TMPRSS11F: variants seen among roughly 807,000 people sequenced by gnomAD.
TMPRSS11F encodes transmembrane protease serine 11F.
A neutral mutation model predicts 60.2 loss-of-function variants in TMPRSS11F; 47 were observed. That is an observed-to-expected ratio of 0.78 (90% CI 0.62 to 1.00). The LOEUF is 1.00. Ranked by LOEUF, TMPRSS11F falls within the 50% of genes least tolerant of loss-of-function variation. TMPRSS11F has a pLI of 0.00. For synonymous variants in TMPRSS11F, 166 were observed against 167.3 expected (o/e 0.99, Z 0.06); for missense variants, 519 against 522.9 (o/e 0.99, Z 0.07).
intron 1 of TMPRSS11F, among the ~76,000 whole-genome samples, chr4:68,101,493 C>CT (rs1288570508): frequency 7.9e-5 from 12 of 152,122 alleles, no homozygotes; most frequent in South Asian, 2.1e-4. Context: ...ATGCAAGAAA[C>CT]TTTGAGATTT....
At chr4:68,114,523 C>CAGAT (rs1397574780) in intron 1 of TMPRSS11F, among the ~76,000 whole-genome samples, 3 of 151,988 alleles carry the variant, frequency 2.0e-5, no homozygotes, top group East Asian at 1.9e-4. Context: ...CAGGAAGACA[C>CAGAT]AGATGTCTGA....
chr4:68,062,829 G>A lies in TMPRSS11F; in HGVS notation c.1015+1856C>T, dbSNP rs375324708. On this transcript the variant is annotated intron_variant, in intron 8 of 9. Transcript: ENST00000356291. ...GACATCTCTTGATCCGTGGATTTCC[G>A]TAGAGTTAACTTAACATATGTATTG... is the stretch of plus-strand genomic sequence containing the variant. The A allele has an allele frequency of 2.0e-4, 152 of 764,824 alleles. No homozygotes were observed. The African/African-American group carries it at 2.4e-3, about 12-fold the overall frequency. 47.4% of individuals were successfully genotyped at this position (764,824 alleles called of 1,614,324 possible). A position where few individuals can be genotyped will look rare whatever the true frequency, so the allele number is the denominator to read the frequency against.
At chr4:68,062,593 CTCTT>C (rs1194565580) in intron 8 of TMPRSS11F, 1 of 859,382 alleles carries the variant, frequency 1.2e-6, no homozygotes, top group Non-Finnish European at 2.0e-6. Context: ...GTCCTTTTGA[CTCTT>C]TCATTTCAGT....
intron 1 of TMPRSS11F, among the ~76,000 whole-genome samples, chr4:68,116,270 G>A (rs1395283139): frequency 6.6e-6 from 1 of 151,950 alleles, no homozygotes; most frequent in Non-Finnish European, 1.5e-5. Context: ...TTCATACATT[G>A]GTGTTGGGAA....
Position 68,072,319 on chromosome 4 carries a change from T to A in TMPRSS11F, c.514+4A>T. On this transcript the variant is annotated splice_donor_region_variant and intron_variant, in intron 5 of 9. Coordinates refer to ENST00000356291, the MANE Select transcript of TMPRSS11F (RefSeq NM_207407.2). ...AAAGTGGCAAATAAAAATAAAAGAC[T>A]TACGTGTGAGTCTAAATGATGGTTT... is the stretch of plus-strand genomic sequence containing the variant. 6.5e-7 allele frequency: 1 copy of A among 1,531,996 alleles called. No individual in the cohort carries two copies. Among genetic ancestry groups the A allele is most frequent in the Non-Finnish European group, 8.8e-7 (1 of 1,136,662 alleles). The allele number at this position is 1,531,996 out of a possible 1,614,324, so 94.9% of individuals were successfully genotyped here. A position where few individuals can be genotyped will look rare whatever the true frequency, so the allele number is the denominator to read the frequency against.
intron 1 of TMPRSS11F, among the ~76,000 whole-genome samples, chr4:68,117,360 G>A (rs977015226): frequency 6.6e-5 from 10 of 150,756 alleles, no homozygotes; most frequent in African/African-American, 2.0e-4. Flanking sequence ...CCAGCTGCTC[G>A]GGGGGCTGAG....
At chr4:68,100,115 CATT>C (rs1724159968) in intron 1 of TMPRSS11F, among the ~76,000 whole-genome samples, 2 of 150,498 alleles carry the variant, frequency 1.3e-5, no homozygotes, top group Admixed American at 6.6e-5. Context: ...AAACAGGATT[CATT>C]ACTAATAGGG....
chr4:68,127,884 A>C (rs1724744072), intron 1 of TMPRSS11F, among the ~76,000 whole-genome samples: 1 of 152,140 alleles, frequency 6.6e-6, no homozygotes, highest in Admixed American at 6.5e-5. Flanking sequence ...AGAATAAACC[A>C]ATAAACCAAA....
At chr4:68,062,521 G>T in intron 8 of TMPRSS11F, 1 of 739,472 alleles carries the variant, frequency 1.4e-6, no homozygotes, top group African/African-American at 1.7e-5. Context: ...GCATTGGATG[G>T]TAACTGTTTG....
chr4:68,100,300 G>A (rs1259133942), intron 1 of TMPRSS11F, among the ~76,000 whole-genome samples: 1 of 152,134 alleles, frequency 6.6e-6, no homozygotes, highest in Admixed American at 6.6e-5. Flanking sequence ...TTACTCTGGA[G>A]GAGGTGGAAA....
intron 8 of TMPRSS11F, chr4:68,063,261 A>G (rs1190801161): frequency 1.8e-6 from 1 of 566,540 alleles, no homozygotes; most frequent in Non-Finnish European, 3.5e-6. Context: ...TCCACCTTCA[A>G]TCGCCATGAT....
chr4:68,107,664 C>T (rs115926246), intron 1 of TMPRSS11F, among the ~76,000 whole-genome samples: 5,426 of 152,124 alleles, frequency 0.036, 274 homozygotes, highest in African/African-American at 0.11. Context: ...ATCCAGCAGG[C>T]CACAATAAGA....
intron 3 of TMPRSS11F, among the ~76,000 whole-genome samples, chr4:68,082,248 C>A (rs979376835): frequency 1.3e-5 from 2 of 152,150 alleles, no homozygotes; most frequent in Non-Finnish European, 2.9e-5. Flanking sequence ...ATCATACCTA[C>A]AAGAGATCCC....
chr4:68,062,642 C>G (rs749575969), intron 8 of TMPRSS11F: 1 of 797,444 alleles, frequency 1.3e-6, no homozygotes, highest in Non-Finnish European at 2.3e-6. Context: ...GCTGTTGAGA[C>G]CTAAATAAAT....
At chr4:68,110,497 G>A (rs953207138) in intron 1 of TMPRSS11F, among the ~76,000 whole-genome samples, 8 of 152,040 alleles carry the variant, frequency 5.3e-5, no homozygotes, top group African/African-American at 1.7e-4. Context: ...GATTTAAGTT[G>A]AGAGATAGTA....
intron 1 of TMPRSS11F, among the ~76,000 whole-genome samples, chr4:68,127,914 C>T (rs939149522): frequency 6.6e-6 from 1 of 152,062 alleles, no homozygotes; most frequent in African/African-American, 2.4e-5. Context: ...TAGCTATCCA[C>T]AAATATTACT....
At chr4:68,080,463 C>T (rs1333353215) in intron 3 of TMPRSS11F, 1 of 152,228 alleles carries the variant, frequency 6.6e-6, no homozygotes, top group African/African-American at 2.4e-5. Flanking sequence ...GATAACAGTT[C>T]ACACCTGCAC....
At chr4:68,093,292 AAAG>A (rs1455795005) in intron 2 of TMPRSS11F, among the ~76,000 whole-genome samples, 2 of 152,228 alleles carry the variant, frequency 1.3e-5, no homozygotes, top group Non-Finnish European at 2.9e-5. Context: ...GTGAAGTAGA[AAAG>A]AAGTTTGCTG....
chr4:68,070,097 A>C (rs995462686), intron 5 of TMPRSS11F, 90 bp from the exon 6 acceptor site: 1 of 1,065,946 alleles, frequency 9.4e-7, no homozygotes, highest in African/African-American at 1.6e-5. Flanking sequence ...TAGAAATGTG[A>C]ATTATCTAAA....
Sources: gnomAD v4.1 joint callset for allele counts (sites outside exome capture counted in the v4.1 genomes callset) on GRCh38, gnomAD v4.1.1 for gene constraint, MANE v1.5 for transcripts, NCBI Gene and HGNC (gene_info 2026-07-23, HGNC 2026-07-21) for gene names.